The following LCTL variants were observed in gnomAD, a reference collection of about 807,000 sequenced individuals.
LCTL encodes lactase-like protein.
A neutral mutation model predicts 75.8 loss-of-function variants in LCTL; 76 were observed. That is an observed-to-expected ratio of 1.00 (90% confidence interval 0.83 to 1.21). LCTL has a LOEUF of 1.21. Among genes scored for constraint, LCTL ranks in the 50% most tolerant of loss-of-function variants. LCTL has a pLI of 0.00. For synonymous variants in LCTL, 271 were observed against 268.8 expected (o/e 1.01, Z -0.08); for missense variants, 670 against 712.4 (o/e 0.94, Z 0.68).
intron 6 of LCTL, 108 bp from the exon 8 acceptor site, chr15:66,558,144 C>G (rs1362229019): frequency 2.4e-5 from 22 of 917,418 alleles, no homozygotes; most frequent in Non-Finnish European, 3.1e-5. Context: ...TTATTTTCAT[C>G]AATCCAGCCT....
At position 66,554,248 on chromosome 15, in the gene LCTL, G is replaced by C. The variant is rs545101543; in HGVS notation, c.923-990C>G. On this transcript the variant is annotated intron_variant, in intron 8 of 12. Coordinates refer to ENST00000341509, the Ensembl canonical transcript of LCTL. ...GGAGGTTGCAGTGAGCCGAGATCACGCCACTGCACTCCAGCCTGGGCGACA... is the reference window on the plus strand; with the variant it reads ...GGAGGTTGCAGTGAGCCGAGATCACCCCACTGCACTCCAGCCTGGGCGACA... 2.2e-3 allele frequency among the ~76,000 whole-genome samples: 318 copies of C among 143,412 alleles called. 1 individual carries two copies. The highest frequency in any genetic ancestry group is 7.6e-3 in the African/African-American group (287 of 37,642). 94.1% of individuals were successfully genotyped at this position (143,412 alleles called of 152,430 possible).
In LCTL at chr15:66,550,040, C is replaced by A. The variant is rs200340415; in HGVS notation, c.1588+1G>T. On this transcript the variant is annotated splice_donor_variant, in intron 12 of 12. Transcript: ENST00000341509. LOFTEE classifies it high-confidence loss of function. ...GAAAACATTGAAATATACTGACTCA[C>A]CTGCAGCAAGCATCTGATTGTTGAT... The A allele has an allele frequency of 2.5e-6, 4 of 1,595,960 alleles. No individual in the cohort carries two copies. The South Asian group carries it at 3.4e-5, about 14-fold the overall frequency.
chr15:66,552,936 A>G (rs374210048), intron 9 of LCTL, 48 bp downstream of exon 10: 2 of 1,412,282 alleles, frequency 1.4e-6, no homozygotes, highest in South Asian at 3.7e-5. Flanking sequence ...CTGTGAGAAC[A>G]TGAATTCAAG....
intron 12 of LCTL, chr15:66,549,825 A>T (rs1320427497): frequency 2.5e-6 from 1 of 396,880 alleles, no homozygotes; most frequent in Non-Finnish European, 4.5e-6. Flanking sequence ...ACTTGAATGG[A>T]TAAAATGGAT....
exon 4 of LCTL, chr15:66,563,554 T>C (rs1895947363): frequency 1.2e-6 from 2 of 1,612,254 alleles, no homozygotes; most frequent in East Asian, 2.2e-5. Flanking sequence ...ACGATGGGAG[T>C]GATGTTGCTG....
At chr15:66,551,255 G>A (rs1412488094) in intron 11 of LCTL, among the ~76,000 whole-genome samples, 1 of 137,962 alleles carries the variant, frequency 7.2e-6, no homozygotes, top group Non-Finnish European at 1.5e-5. Flanking sequence ...GCTGAGGCAG[G>A]AAAATCGCTG....
At chr15:66,564,383 G>T in intron 2 of LCTL, 1 of 479,016 alleles carries the variant, frequency 2.1e-6, no homozygotes, top group Non-Finnish European at 3.7e-6. Context: ...AGGCCCTGAG[G>T]CTGTGGGATC....
At chr15:66,556,365 C>T (rs555045818) in intron 8 of LCTL, among the ~76,000 whole-genome samples, 27 of 152,000 alleles carry the variant, frequency 1.8e-4, no homozygotes, top group East Asian at 3.9e-4. Context: ...AGTGCAGTGG[C>T]GAGATCTCGG....
At chr15:66,562,351 C>T (rs1381555715) in intron 4 of LCTL, among the ~76,000 whole-genome samples, 2 of 149,470 alleles carry the variant, frequency 1.3e-5, no homozygotes, top group East Asian at 4.0e-4. Flanking sequence ...TGTAGTGAGC[C>T]GAGATCATGC....
In LCTL at chr15:66,562,335, G is replaced by A. The variant is rs559216350; in HGVS notation, c.481-1020C>T. 7.9e-5 allele frequency among the ~76,000 whole-genome samples: 12 copies of A among 151,718 alleles called. 1 individual carries two copies. Among genetic ancestry groups the A allele is most frequent in the African/African-American group, 2.7e-4 (11 of 41,384 alleles). On this transcript the variant is annotated intron_variant, in intron 4 of 12. Coordinates refer to ENST00000341509, the Ensembl canonical transcript of LCTL. ...GGAGAATCACTCGAACCCAGGAGGC[G>A]GAGGCTGTAGTGAGCCGAGATCATG...
chr15:66,556,380 C>T (rs540612981), intron 8 of LCTL, among the ~76,000 whole-genome samples: 101 of 152,302 alleles, frequency 6.6e-4, no homozygotes, highest in African/African-American at 2.4e-3. Context: ...TCTCGGCCCA[C>T]TGCAACCTCC....
chr15:66,553,000 A>C (rs1895647272), exon 9 of LCTL: 1 of 1,461,884 alleles, frequency 6.8e-7, no homozygotes. Flanking sequence ...AAAGTTAAGG[A>C]GCCTCCTAAA....
chr15:66,556,306 A>T (rs1033934374), intron 8 of LCTL, among the ~76,000 whole-genome samples: 1 of 151,462 alleles, frequency 6.6e-6, no homozygotes, highest in Non-Finnish European at 1.5e-5. Flanking sequence ...GACAATGGAA[A>T]TTTTTTTTTC....
At chr15:66,561,767 A>G (rs1019023850) in intron 4 of LCTL, among the ~76,000 whole-genome samples, 2 of 152,182 alleles carry the variant, frequency 1.3e-5, no homozygotes, top group African/African-American at 4.8e-5. Flanking sequence ...GGGCAGGCTC[A>G]TGAAAGCAAC....
chr15:66,563,558 G>A (rs2140853835), exon 4 of LCTL: 1 of 1,612,626 alleles, frequency 6.2e-7, no homozygotes, highest in East Asian at 2.2e-5. Context: ...TGGGAGTGAT[G>A]TTGCTGCTCA....
At chr15:66,551,135 T>G (rs576407077) in intron 11 of LCTL, among the ~76,000 whole-genome samples, 36 of 151,326 alleles carry the variant, frequency 2.4e-4, no homozygotes, top group Non-Finnish European at 5.0e-4. Flanking sequence ...GATCACGAGG[T>G]CAAGAGTTAG....
intron 6 of LCTL, among the ~76,000 whole-genome samples, chr15:66,558,886 G>A (rs1450281331): frequency 1.3e-5 from 2 of 151,648 alleles, no homozygotes; most frequent in Admixed American, 1.3e-4. Flanking sequence ...AGTAGAGATA[G>A]GGTTTCTCCA....
intron 8 of LCTL, among the ~76,000 whole-genome samples, chr15:66,554,877 C>A (rs994682643): frequency 6.6e-6 from 1 of 152,122 alleles, no homozygotes; most frequent in Non-Finnish European, 1.5e-5. Flanking sequence ...CATGCACAAT[C>A]CATCTCTGGA....
At chr15:66,553,228 A>G (rs1320610973) in exon 9 of LCTL, 2 of 1,598,962 alleles carry the variant, frequency 1.3e-6, no homozygotes, top group East Asian at 4.5e-5. Flanking sequence ...TAACCTCGAC[A>G]TCTCCAGGCC....
Sources: gnomAD v4.1 joint callset for allele counts (sites outside exome capture counted in the v4.1 genomes callset) on GRCh38, gnomAD v4.1.1 for gene constraint, MANE v1.5 for transcripts, NCBI Gene and HGNC (gene_info 2026-07-23, HGNC 2026-07-21) for gene names.